The following ABCA3 variants were observed in gnomAD, a reference collection of about 807,000 sequenced individuals.
The protein encoded by ABCA3 is ATP binding cassette subfamily A member 3, also known as phospholipid-transporting ATPase ABCA3.
A neutral mutation model predicts 172.8 loss-of-function variants in ABCA3; 88 were observed. The ratio of observed to expected loss-of-function variants is 0.51; its 90% CI spans 0.43 to 0.61. ABCA3 has a LOEUF of 0.61. Among genes scored for constraint, ABCA3 ranks in the 20% least tolerant of loss-of-function variants. The probability of loss-of-function intolerance (pLI) is 0.00; values close to 1 mark genes in which losing one functional copy is unlikely to be tolerated. For synonymous variants in ABCA3, 1,066 were observed against 983.8 expected, an observed-to-expected ratio of 1.08 and a Z score of -1.56; for missense variants, 2,164 against 2,301.0, an observed-to-expected ratio of 0.94 and a Z score of 1.22.
Position 2,287,994 on chromosome 16 carries a change from TGCCCCCGTCCC to T in ABCA3, c.3004+21_3004+31del. 6 of 1,596,578 alleles carry T rather than the reference TGCCCCCGTCCC, an allele frequency of 3.8e-6. No individual in the cohort carries two copies. The highest frequency in any genetic ancestry group is 5.1e-6 in the Non-Finnish European group (6 of 1,178,446). Reference sequence around the variant, plus strand: ...CTCTGGCTGCAGGACTGGCCCCCGATGCCCCCGTCCCGCCCCCGGGATGCCCCTTACCGAGC... The same window carrying T: ...CTCTGGCTGCAGGACTGGCCCCCGATGCCCCCGGGATGCCCCTTACCGAGC... On this transcript the variant is annotated intron_variant, in intron 21 of 32. Transcript: ENST00000301732. This position sits in a 1 kb window ranked among gnomAD's most constrained non-coding sequence, Gnocchi z 4.1.
At chr16:2,336,597 A>ATTTTT (rs11284766) in intron 1 of ABCA3, among the ~76,000 whole-genome samples, 8 of 101,324 alleles carry the variant, frequency 7.9e-5, no homozygotes, top group Non-Finnish European at 1.5e-4. Flanking sequence ...CGCCCAGCTA[A>ATTTTT]TTTTTTTTTT....
intron 1 of ABCA3, among the ~76,000 whole-genome samples, 199 bp from the exon 2 acceptor site, chr16:2,330,053 T>C (rs2093740579): frequency 6.6e-6 from 1 of 152,008 alleles, no homozygotes; most frequent in Non-Finnish European, 1.5e-5. Context: ...TCCAGCACTT[T>C]GGAAGACTGA....
At chr16:2,295,798 C>T in intron 17 of ABCA3, 58 bp from the exon 18 acceptor site, 2 of 1,610,826 alleles carry the variant, frequency 1.2e-6, no homozygotes, top group East Asian at 2.2e-5. Context: ...TCTTCATGCC[C>T]ACCCCGGGGT....
rs565356692 is a variant in ABCA3 at position 2,301,016 on chromosome 16, G to T, written c.1468-868C>A. Among the ~76,000 whole-genome samples, 21 of 149,986 alleles carry T rather than the reference G, an allele frequency of 1.4e-4. No individual in the cohort carries two copies. The East Asian group carries it at 3.3e-3, about 24-fold the overall frequency. ...GAGGCCGAGGCGGGCGGATCATGAG[G>T]TCAGGAGATCGAGACCATCCTGGCT... On this transcript the variant is annotated intron_variant, in intron 12 of 32. Transcript: ENST00000301732.
chr16:2,294,128 C>A (rs1331722880), intron 18 of ABCA3, among the ~76,000 whole-genome samples: 1 of 151,034 alleles, frequency 6.6e-6, no homozygotes, highest in East Asian at 2.0e-4. Context: ...AGTGATTCTC[C>A]TGCCTCAGCC....
chr16:2,334,974 A>C (rs1317047890), intron 1 of ABCA3, among the ~76,000 whole-genome samples: 1 of 148,528 alleles, frequency 6.7e-6, no homozygotes, highest in Non-Finnish European at 1.5e-5. Context: ...GATTACAGGC[A>C]CTCGCCACCA....
At chr16:2,301,027 G>T (rs538143120) in intron 12 of ABCA3, among the ~76,000 whole-genome samples, 1 of 149,442 alleles carries the variant, frequency 6.7e-6, no homozygotes, top group Non-Finnish European at 1.5e-5. Flanking sequence ...TCAGGAGATC[G>T]AGACCATCCT....
Position 2,283,514 on chromosome 16 carries a change from C to G in ABCA3, c.3863-156G>C. 2 of 795,614 alleles carry G rather than the reference C, an allele frequency of 2.5e-6. No homozygotes were observed. Among genetic ancestry groups the G allele is most frequent in the Non-Finnish European group, 3.9e-6 (2 of 511,200 alleles). 49.3% of individuals were successfully genotyped at this position (795,614 alleles called of 1,614,324 possible). ...GAAGGCCAGTAGGTCACAGCTGCCTCTCGAGGCACCACAGCTCAGAGAGGG... is the reference window on the plus strand; with the variant it reads ...GAAGGCCAGTAGGTCACAGCTGCCTGTCGAGGCACCACAGCTCAGAGAGGG... On this transcript the variant is annotated intron_variant, in intron 25 of 32. Transcript: ENST00000301732. The surrounding 1 kb of genome is among the most constrained non-coding windows in gnomAD (Gnocchi z 5.4).
rs754763739 is a variant in ABCA3 at position 2,284,757 on chromosome 16, C to T, written c.3703+22G>A. Reference sequence around the variant, plus strand: ...GCTCCGTGGATGGCCATGGGGGCTGCGGGTGGTCTCCAGGTGCCCACCTGG... The same window carrying T: ...GCTCCGTGGATGGCCATGGGGGCTGTGGGTGGTCTCCAGGTGCCCACCTGG... On this transcript the variant is annotated intron_variant, in intron 24 of 32. Coordinates refer to ENST00000301732, the MANE Select transcript of ABCA3 (RefSeq NM_001089.3). This position sits in a 1 kb window ranked among gnomAD's most constrained non-coding sequence, Gnocchi z 5.9. 2.0e-5 allele frequency: 32 copies of T among 1,607,802 alleles called. No homozygotes were observed. Among genetic ancestry groups the T allele is most frequent in the Admixed American group, 6.7e-5 (4 of 59,416 alleles).
intron 3 of ABCA3, among the ~76,000 whole-genome samples, chr16:2,327,201 A>G (rs910076221): frequency 1.3e-5 from 2 of 151,738 alleles, no homozygotes; most frequent in Non-Finnish European, 2.9e-5. Context: ...TGCAGCCTCA[A>G]CCTCCTGGGC....
At chr16:2,299,661 G>T in intron 13 of ABCA3, 129 bp from the exon 14 acceptor site, 1 of 1,459,072 alleles carries the variant, frequency 6.9e-7, no homozygotes, top group Non-Finnish European at 9.5e-7. Context: ...TGTGCAGAGG[G>T]GAGGGACGTT....
intron 11 of ABCA3, among the ~76,000 whole-genome samples, chr16:2,304,575 C>T (rs1029039329): frequency 7.1e-5 from 10 of 141,564 alleles, no homozygotes; most frequent in Admixed American, 5.2e-4. Context: ...GCTGCGATCT[C>T]GGCTCACTGC....
At position 2,288,129 on chromosome 16, in the gene ABCA3, G is replaced by A. The variant is rs768316165; in HGVS notation, c.2901C>T (p.Val967=). 7.4e-6 allele frequency: 12 copies of A among 1,612,876 alleles called. No homozygotes were observed. Among genetic ancestry groups the A allele is most frequent in the Middle Eastern group, 1.6e-4 (1 of 6,082 alleles). Residue 967 remains valine, a synonymous_variant, in exon 21 of 33, where the codon GTC becomes GTT. Transcript: ENST00000301732. ...RLTLGEYGRT[V]VPFSVPGTSQ... is the part of the protein sequence containing the mutation. ...AGGTCCCGGGAACTGAGAAGGGCACGACGGTTCTGCCGTACTCGCCCAAGG... is the reference window on the plus strand; with the variant it reads ...AGGTCCCGGGAACTGAGAAGGGCACAACGGTTCTGCCGTACTCGCCCAAGG...
intron 9 of ABCA3, 100 bp downstream of exon 9, chr16:2,317,548 T>A: frequency 3.2e-6 from 5 of 1,576,786 alleles, no homozygotes; most frequent in Non-Finnish European, 4.4e-6. Flanking sequence ...GGACAGACTC[T>A]CTCTGAAGTC....
rs981633054 is a variant in ABCA3, at chr16:2,281,459, C to T, written c.4086G>A (p.Ala1362=). ...GGGCCAGGATGCGGGTCCTCTCGTC[C>T]GCTACATCTTGGTCCTCAGGAAGCA... ...MPVLPEDQDV[A]DERTRILAPS... The change falls in exon 27 of 33, where the codon GCG becomes GCA. Residue 1362 remains alanine, a synonymous_variant. Coordinates refer to ENST00000301732, the MANE Select transcript of ABCA3 (RefSeq NM_001089.3). The surrounding 1 kb of genome is among the most constrained non-coding windows in gnomAD (Gnocchi z 4.7). 40 of 1,613,548 alleles carry T rather than the reference C, an allele frequency of 2.5e-5. No homozygotes were observed. Among genetic ancestry groups the T allele is most frequent in the East Asian group, 1.3e-4 (6 of 44,890 alleles).
chr16:2,322,198 A>G (rs1183501593), intron 7 of ABCA3, among the ~76,000 whole-genome samples: 3 of 144,990 alleles, frequency 2.1e-5, no homozygotes, highest in African/African-American at 7.9e-5. Context: ...TTCTGTCTGA[A>G]AAAAAAAAAA....
chr16:2,319,178 A>G (rs2093721467), intron 8 of ABCA3, among the ~76,000 whole-genome samples: 3 of 152,064 alleles, frequency 2.0e-5, no homozygotes, highest in Admixed American at 2.0e-4. Flanking sequence ...GTTTGAGACC[A>G]GCCTTGGCAA....
chr16:2,326,235 G>A lies in ABCA3; in HGVS notation c.94C>T (p.Pro32Ser). ...ATGAGGATCCCAGAAAACAGCAATGGCAGGAAGAGTTCCAGGACCGTCACC... is the reference window on the plus strand; with the variant it reads ...ATGAGGATCCCAGAAAACAGCAATGACAGGAAGAGTTCCAGGACCGTCACC... ...VLVTVLELFL[P>S]LLFSGILIWL... Residue 32 changes from proline to serine, a missense_variant, in exon 5 of 33, where the codon CCA becomes TCA. By Grantham distance (74) the Pro-to-Ser change is moderately conservative. Coordinates refer to ENST00000301732, the MANE Select transcript of ABCA3 (RefSeq NM_001089.3). 1 of 1,613,892 alleles carries A rather than the reference G, an allele frequency of 6.2e-7. No homozygotes were observed. The highest frequency in any genetic ancestry group is 8.5e-7 in the Non-Finnish European group (1 of 1,180,042).
intron 18 of ABCA3, among the ~76,000 whole-genome samples, chr16:2,295,233 A>G (rs2093677814): frequency 6.6e-6 from 1 of 152,200 alleles, no homozygotes; most frequent in South Asian, 2.1e-4. Flanking sequence ...CCACCCACAT[A>G]CAAATACAGA....
Sources: gnomAD v4.1 joint callset for allele counts (sites outside exome capture counted in the v4.1 genomes callset) on GRCh38, gnomAD v4.1.1 for gene constraint, Gnocchi (gnomAD v3.1) non-coding constraint, MANE v1.5 for transcripts, NCBI Gene and HGNC (gene_info 2026-07-23, HGNC 2026-07-21) for gene names.